The following FRMPD4 variants were observed in gnomAD, a reference collection of about 807,000 sequenced individuals.
FRMPD4 encodes FERM and PDZ domain containing 4, also known as FERM and PDZ domain-containing protein 4.
Under a neutral mutation model 94.1 loss-of-function variants are expected in FRMPD4, and 22 were observed. The observed-to-expected ratio is 0.23, with a 90% CI of 0.17 to 0.33. FRMPD4 has a LOEUF of 0.33. Ranked by LOEUF, FRMPD4 falls within the 10% of genes least tolerant of loss-of-function variation. The pLI, the probability that FRMPD4 is intolerant of heterozygous loss-of-function variation, is 1.00. For missense variants in FRMPD4, 1,111 were observed against 1,339.9 expected (o/e 0.83, Z 2.67); for synonymous variants, 631 against 548.6 (o/e 1.15, Z -2.10).
intron 3 of FRMPD4, among the ~76,000 whole-genome samples, chrX:12,051,588 A>G (rs948049634): frequency 1.8e-5 from 2 of 112,329 alleles, no homozygotes; most frequent in Non-Finnish European, 3.8e-5. Flanking sequence ...ATAAGATAAC[A>G]TTGAGAAAGC....
intron 2 of FRMPD4, among the ~76,000 whole-genome samples, chrX:12,534,108 C>A (rs2058313896): frequency 1.8e-5 from 2 of 113,056 alleles, no homozygotes; most frequent in African/African-American, 6.4e-5. Flanking sequence ...TGCATCCCAA[C>A]TGCGCCAGCC....
chrX:12,150,357 A>G (rs757051800), intron 1 of FRMPD4, among the ~76,000 whole-genome samples: 5 of 111,716 alleles, frequency 4.5e-5, no homozygotes, highest in Non-Finnish European at 7.5e-5. Flanking sequence ...TATTGTAGCC[A>G]TTTTACCCTT....
intron 1 of FRMPD4, among the ~76,000 whole-genome samples, chrX:12,372,810 G>C (rs897831034): frequency 1.1e-4 from 12 of 112,395 alleles, no homozygotes; most frequent in African/African-American, 3.9e-4. Context: ...AACTGGGTTT[G>C]AGGTATTTCC....
chrX:12,507,677 C>T (rs6641026), intron 2 of FRMPD4, among the ~76,000 whole-genome samples: 6,264 of 111,797 alleles, frequency 0.056, 146 homozygotes, highest in East Asian at 0.12. Flanking sequence ...GACCTCAGAG[C>T]CCCAGTTTGT....
At chrX:11,894,483 A>T (rs1276365468) in intron 3 of FRMPD4, among the ~76,000 whole-genome samples, 1 of 112,383 alleles carries the variant, frequency 8.9e-6, no homozygotes, top group Non-Finnish European at 1.9e-5. Context: ...ACCATTTTAA[A>T]AATGATTAAT....
At chrX:11,884,224 T>C (rs975372201) in intron 3 of FRMPD4, among the ~76,000 whole-genome samples, 1 of 112,344 alleles carries the variant, frequency 8.9e-6, no homozygotes. Context: ...CTTGAATAAA[T>C]GGTCTACATC....
intron 1 of FRMPD4, among the ~76,000 whole-genome samples, chrX:12,370,609 C>T (rs2056149408): frequency 8.9e-6 from 1 of 112,253 alleles, no homozygotes; most frequent in African/African-American, 3.2e-5. Context: ...AAAATCTGCT[C>T]ACGTGCAAAA....
chrX:11,845,597 T>C (rs754445249), intron 1 of FRMPD4, among the ~76,000 whole-genome samples: 358 of 107,925 alleles, frequency 3.3e-3, no homozygotes, highest in Non-Finnish European at 6.0e-3. Flanking sequence ...TTTAGACCAA[T>C]ATCCTTGATG....
intron 2 of FRMPD4, among the ~76,000 whole-genome samples, chrX:12,575,868 CT>C (rs1432625740): frequency 1.8e-5 from 2 of 111,966 alleles, no homozygotes; most frequent in Admixed American, 9.5e-5. Flanking sequence ...AGGAAACAGA[CT>C]CCCCCCTAGG....
At chrX:12,055,461 A>G (rs1175182066) in intron 3 of FRMPD4, among the ~76,000 whole-genome samples, 1 of 111,504 alleles carries the variant, frequency 9.0e-6, no homozygotes, top group Non-Finnish European at 1.9e-5. Flanking sequence ...TACTCTTGTC[A>G]TTTGAGACAC....
At chrX:12,540,316 C>T (rs1478053801) in intron 2 of FRMPD4, among the ~76,000 whole-genome samples, 1 of 111,660 alleles carries the variant, frequency 9.0e-6, no homozygotes, top group Non-Finnish European at 1.9e-5. Context: ...AGAATCAAGA[C>T]TCATCAGTGT....
intron 3 of FRMPD4, among the ~76,000 whole-genome samples, chrX:12,024,061 T>C (rs929533676): frequency 2.7e-5 from 3 of 111,923 alleles, no homozygotes; most frequent in Non-Finnish European, 5.6e-5. Context: ...CAGACAGATA[T>C]GAACACCATT....
intron 3 of FRMPD4, among the ~76,000 whole-genome samples, chrX:11,927,007 C>G (rs2054092805): frequency 9.0e-6 from 1 of 111,393 alleles, no homozygotes; most frequent in Non-Finnish European, 1.9e-5. Flanking sequence ...ACCCCATAGT[C>G]TCAGCCCAAA....
At position 11,879,774 on chromosome X, in the gene FRMPD4, G is replaced by A. The variant is rs376233090; in HGVS notation, c.95+1756G>A. 3.6e-5 allele frequency among the ~76,000 whole-genome samples: 4 copies of A among 112,267 alleles called. No homozygotes were observed. In the South Asian group the frequency reaches 1.5e-3, roughly 42 times the overall value. Reference sequence around the variant, plus strand: ...TCAACTATAGAACTATGTAAATATAGTTCAAGATTCAATGGGCAGGGATAA... The same window carrying A: ...TCAACTATAGAACTATGTAAATATAATTCAAGATTCAATGGGCAGGGATAA... On this transcript the variant is annotated intron_variant, in intron 3 of 18. Transcript: ENST00000640291.
intron 5 of FRMPD4, among the ~76,000 whole-genome samples, chrX:12,680,594 C>T (rs1441691943): frequency 1.8e-5 from 2 of 111,703 alleles, no homozygotes; most frequent in Admixed American, 1.9e-4. Context: ...AGTCACAAAC[C>T]CAGAACAAAA....
At chrX:12,504,761 T>TGC (rs2057961912) in intron 2 of FRMPD4, among the ~76,000 whole-genome samples, 1 of 112,462 alleles carries the variant, frequency 8.9e-6, no homozygotes, top group African/African-American at 3.2e-5. Flanking sequence ...CAAAGAGCTG[T>TGC]GCTAGGCAAA....
At chrX:12,024,880 C>G (rs2054650728) in intron 3 of FRMPD4, among the ~76,000 whole-genome samples, 1 of 111,501 alleles carries the variant, frequency 9.0e-6, no homozygotes, top group South Asian at 3.8e-4. Flanking sequence ...ATTTTAATTG[C>G]TCACAGTAGT....
At chrX:12,661,156 T>C (rs1212749136) in intron 4 of FRMPD4, among the ~76,000 whole-genome samples, 2 of 112,175 alleles carry the variant, frequency 1.8e-5, no homozygotes, top group Non-Finnish European at 3.8e-5. Flanking sequence ...GTCACAAGAT[T>C]AGTCCAGATT....
At chrX:11,986,230 G>T (rs1290935716) in intron 3 of FRMPD4, among the ~76,000 whole-genome samples, 2 of 112,567 alleles carry the variant, frequency 1.8e-5, no homozygotes, top group Non-Finnish European at 3.8e-5. Flanking sequence ...GAGAAAGTAA[G>T]GGGAGAGAAC....
Sources: allele counts gnomAD v4.1 joint callset (sites outside exome capture counted in the v4.1 genomes callset), GRCh38; gene constraint gnomAD v4.1.1; transcripts MANE v1.5; gene names NCBI Gene and HGNC (gene_info 2026-07-23, HGNC 2026-07-21).